The following PCNX1 variants were observed in gnomAD, a reference collection of about 807,000 sequenced individuals.
PCNX1 encodes the protein pecanex-like protein 1.
A neutral mutation model predicts 242.2 loss-of-function variants in PCNX1; 78 were observed. The observed-to-expected ratio is 0.32, with a 90% CI of 0.27 to 0.39. The LOEUF (loss-of-function observed/expected upper bound fraction) is 0.39. PCNX1 is among the 10% of genes least tolerant of loss of function. The pLI is 1.00. For missense variants in PCNX1, 2,581 were observed against 2,856.5 expected (o/e 0.90, Z 2.20); for synonymous variants, 1,024 against 1,032.9 (o/e 0.99, Z 0.17).
At position 71,085,062 on chromosome 14, in the gene PCNX1, C is replaced by T. The variant is rs567311651; in HGVS notation, c.5338-3268C>T. Among the ~76,000 whole-genome samples the T allele has an allele frequency of 4.6e-5, 7 of 152,318 alleles. No individual in the cohort carries two copies. In the East Asian group the frequency reaches 1.4e-3, roughly 29 times the overall value. On this transcript the variant is annotated intron_variant, in intron 28 of 35. Coordinates refer to ENST00000304743, the MANE Select transcript of PCNX1 (RefSeq NM_014982.3). ...GGCCAGAATGCACTGTTCCTCACGG[C>T]ACGGTCCATCACAGCTTCCCTTGGC...
rs146962588 is a variant in PCNX1, at chr14:70,939,716, A to C, written c.154-7199A>C. ...CACTTTCTGTCTCGTTGATCTGTCTAATGTTGACAGTGGGGTGTTAAAGTC... is the reference window on the plus strand; with the variant it reads ...CACTTTCTGTCTCGTTGATCTGTCTCATGTTGACAGTGGGGTGTTAAAGTC... On this transcript the variant is annotated intron_variant, in intron 1 of 35. Coordinates refer to ENST00000304743, the MANE Select transcript of PCNX1 (RefSeq NM_014982.3). Among the ~76,000 whole-genome samples, 20 of 152,220 alleles carry C rather than the reference A, an allele frequency of 1.3e-4. No homozygotes were observed. The East Asian group carries it at 3.7e-3, about 28-fold the overall frequency.
At chr14:70,922,896 A>G (rs2056434992) in intron 1 of PCNX1, among the ~76,000 whole-genome samples, 2 of 152,120 alleles carry the variant, frequency 1.3e-5, no homozygotes, top group Non-Finnish European at 2.9e-5. Context: ...TTAAAATCAA[A>G]CTAGATGTTG....
chr14:70,948,303 CATGTG>C (rs2057542516), intron 2 of PCNX1, among the ~76,000 whole-genome samples: 1 of 152,120 alleles, frequency 6.6e-6, no homozygotes, highest in South Asian at 2.1e-4. Context: ...AACCTGCCGA[CATGTG>C]ATGTCTCCCC....
intron 24 of PCNX1, among the ~76,000 whole-genome samples, chr14:71,054,681 C>T (rs1595387078): frequency 1.3e-5 from 2 of 152,252 alleles, no homozygotes; most frequent in Non-Finnish European, 2.9e-5. Flanking sequence ...GCTCGGAGTT[C>T]AAGCAGTTGC....
chr14:71,109,135 C>T, intron 34 of PCNX1, 89 bp downstream of exon 34: 1 of 1,072,808 alleles, frequency 9.3e-7, no homozygotes, highest in South Asian at 1.6e-5. Context: ...GTTGTGAATA[C>T]ACACCTTATC....
At chr14:71,041,780 CTACTATACTA>C (rs71105759) in intron 19 of PCNX1, among the ~76,000 whole-genome samples, 4,839 of 149,254 alleles carry the variant, frequency 0.032, 87 homozygotes, top group Middle Eastern at 0.042. Flanking sequence ...GCATTTATTG[CTACTATACTA>C]TACTATACTA....
At chr14:71,003,292 T>C in intron 8 of PCNX1, among the ~76,000 whole-genome samples, 1 of 152,014 alleles carries the variant, frequency 6.6e-6, no homozygotes, top group East Asian at 1.9e-4. Flanking sequence ...GGTTTTGCCA[T>C]GTTGGTCAGA....
chr14:71,065,762 C>A (rs968802429), intron 26 of PCNX1, among the ~76,000 whole-genome samples: 5 of 152,156 alleles, frequency 3.3e-5, no homozygotes, highest in African/African-American at 4.8e-5. Context: ...AGATTTACAT[C>A]TTTAATCCAT....
chr14:71,096,752 G>C (rs2062295463), intron 30 of PCNX1, among the ~76,000 whole-genome samples: 1 of 152,170 alleles, frequency 6.6e-6, no homozygotes, highest in South Asian at 2.1e-4. Context: ...AAGTGGTCTA[G>C]AAACAGGTTA....
At chr14:71,095,032 G>A (rs922793272) in intron 30 of PCNX1, among the ~76,000 whole-genome samples, 1 of 152,148 alleles carries the variant, frequency 6.6e-6, no homozygotes, top group Non-Finnish European at 1.5e-5. Context: ...AGATCACCAC[G>A]ACCCAGAAAG....
At chr14:71,017,719 T>A (rs2059996292) in intron 11 of PCNX1, among the ~76,000 whole-genome samples, 1 of 152,196 alleles carries the variant, frequency 6.6e-6, no homozygotes, top group South Asian at 2.1e-4. Flanking sequence ...GGAGGCACTA[T>A]TCAGGCAGGC....
At chr14:71,012,787 G>A in intron 10 of PCNX1, 198 bp from the exon 11 acceptor site, 2 of 508,418 alleles carry the variant, frequency 3.9e-6, no homozygotes, top group Non-Finnish European at 6.9e-6. Context: ...AGCCGAGATT[G>A]CACCACTGTA....
At chr14:71,004,957 C>T (rs1426265774) in intron 8 of PCNX1, among the ~76,000 whole-genome samples, 1 of 152,090 alleles carries the variant, frequency 6.6e-6, no homozygotes. Context: ...TTTATAGCCC[C>T]TCTCTGCCCT....
In PCNX1 at chr14:71,024,637, T is replaced by C. The variant is rs139181721; in HGVS notation, c.3183+1405T>C. Reference sequence around the variant, plus strand: ...AGAAAGCACATACTAATTTATCCTGTTACTAGTGATGTTAATTTTGATCTT... The same window carrying C: ...AGAAAGCACATACTAATTTATCCTGCTACTAGTGATGTTAATTTTGATCTT... On this transcript the variant is annotated intron_variant, in intron 13 of 35. Transcript: ENST00000304743. Among the ~76,000 whole-genome samples the C allele has an allele frequency of 6.3e-3, 953 of 152,322 alleles. 8 individuals carry two copies. Among genetic ancestry groups the C allele is most frequent in the African/African-American group, 0.022 (918 of 41,574 alleles).
At chr14:71,069,734 T>C (rs1481540741) in intron 26 of PCNX1, among the ~76,000 whole-genome samples, 1 of 152,238 alleles carries the variant, frequency 6.6e-6, no homozygotes. Context: ...CTAAGGATGA[T>C]CTGAGCCTTC....
intron 2 of PCNX1, among the ~76,000 whole-genome samples, chr14:70,951,679 T>G (rs529575818): frequency 6.6e-6 from 1 of 152,172 alleles, no homozygotes; most frequent in East Asian, 1.9e-4. Flanking sequence ...CTGACCTTTT[T>G]TGATATTATT....
intron 28 of PCNX1, among the ~76,000 whole-genome samples, chr14:71,077,866 T>G (rs2061757693): frequency 6.6e-6 from 1 of 152,216 alleles, no homozygotes; most frequent in Admixed American, 6.5e-5. Flanking sequence ...TTATTCTATA[T>G]CTCTTCTTTG....
chr14:70,939,408 G>A (rs1223294010), intron 1 of PCNX1, among the ~76,000 whole-genome samples: 1 of 152,206 alleles, frequency 6.6e-6, no homozygotes, highest in African/African-American at 2.4e-5. Context: ...TCATTCAGGA[G>A]CAGGTTGTAC....
At chr14:71,007,263 A>G (rs565625488) in intron 8 of PCNX1, among the ~76,000 whole-genome samples, 10 of 152,006 alleles carry the variant, frequency 6.6e-5, no homozygotes, top group Non-Finnish European at 1.5e-4. Context: ...AATATTAGAT[A>G]TTTATACATA....
Sources: gnomAD v4.1 joint callset for allele counts (sites outside exome capture counted in the v4.1 genomes callset) on GRCh38, gnomAD v4.1.1 for gene constraint, MANE v1.5 for transcripts, NCBI Gene and HGNC (gene_info 2026-07-23, HGNC 2026-07-21) for gene names.